The following LARP4B variants were observed in gnomAD, a reference collection of about 807,000 sequenced individuals.
LARP4B encodes la-related protein 4B.
In LARP4B, 12 loss-of-function variants were observed where a neutral mutation model predicts 89.8. The observed-to-expected ratio is 0.13, with a 90% confidence interval of 0.09 to 0.22. The LOEUF is 0.22. Ranked by LOEUF, LARP4B falls within the 10% of genes least tolerant of loss-of-function variation. The pLI, the probability that LARP4B is intolerant of heterozygous loss-of-function variation, is 1.00. For synonymous variants in LARP4B, 367 were observed against 363.3 expected (o/e 1.01, Z -0.12); for missense variants, 757 against 947.7 (o/e 0.80, Z 2.64).
the LARP4B span, among the ~76,000 whole-genome samples, chr10:940,659 C>T: frequency 3.3e-5 from 5 of 152,180 alleles, no homozygotes; most frequent in Admixed American, 6.5e-5. Flanking sequence ...AAAAATAGCA[C>T]GGGCATTTGT....
intron 3 of LARP4B, among the ~76,000 whole-genome samples, chr10:875,018 T>C (rs1835400786): frequency 6.6e-6 from 1 of 152,236 alleles, no homozygotes; most frequent in African/African-American, 2.4e-5. Context: ...CCAAGAACTT[T>C]AGTAGCAGCT....
rs1414881253 is a variant in LARP4B, at chr10:823,179, TCCTAAACCACTC to T, written c.1484+1874_1484+1885del. 2.6e-5 allele frequency among the ~76,000 whole-genome samples: 4 copies of T among 152,154 alleles called. No individual in the cohort carries two copies. In the East Asian group the frequency reaches 7.7e-4, roughly 29 times the overall value. ...GCATGCGCTTTCCCTGCCCACCACT[TCCTAAACCACTC>T]CCTAAACCACTGGTGCGTGCTTCCT... On this transcript the variant is annotated intron_variant, in intron 13 of 17. Transcript: ENST00000316157.
chr10:837,221 G>GT (rs947055697), intron 7 of LARP4B, among the ~76,000 whole-genome samples: 3 of 152,172 alleles, frequency 2.0e-5, no homozygotes, highest in African/African-American at 4.8e-5. Context: ...TACAAGAAAG[G>GT]TAACTGGTGC....
chr10:946,218 C>A, the LARP4B span, among the ~76,000 whole-genome samples: 42 of 152,350 alleles, frequency 2.8e-4, 1 homozygote, highest in Non-Finnish European at 5.4e-4. Context: ...TACCACATCA[C>A]AGAATACTGA....
chr10:914,240 T>C (rs367969303), intron 1 of LARP4B, among the ~76,000 whole-genome samples: 9 of 152,148 alleles, frequency 5.9e-5, no homozygotes, highest in East Asian at 5.8e-4. Flanking sequence ...GTAGTTAATA[T>C]ACGTAATTAA....
At chr10:820,512 G>A in intron 14 of LARP4B, 1 of 380,962 alleles carries the variant, frequency 2.6e-6, no homozygotes, top group Non-Finnish European at 4.7e-6. Context: ...ACACCCGTGT[G>A]TAGGCTGCAG....
intron 3 of LARP4B, among the ~76,000 whole-genome samples, chr10:877,289 G>A (rs1480526916): frequency 3.9e-5 from 6 of 152,180 alleles, no homozygotes; most frequent in Non-Finnish European, 8.8e-5. Flanking sequence ...GCTGAGGTAG[G>A]AGGATAACTT....
intron 5 of LARP4B, among the ~76,000 whole-genome samples, chr10:846,301 T>C (rs1407903915): frequency 6.6e-6 from 1 of 152,150 alleles, no homozygotes; most frequent in Admixed American, 6.5e-5. Context: ...GAGAGGCAGA[T>C]AACAGACAGT....
At chr10:878,462 C>A (rs1292395224) in intron 3 of LARP4B, among the ~76,000 whole-genome samples, 1 of 152,144 alleles carries the variant, frequency 6.6e-6, no homozygotes, top group Admixed American at 6.5e-5. Flanking sequence ...TACACAAGTT[C>A]CCTGATTTGA....
chr10:818,012 T>C (rs1832154041), intron 14 of LARP4B, 123 bp from the exon 15 acceptor site: 5 of 959,376 alleles, frequency 5.2e-6, no homozygotes, highest in Non-Finnish European at 3.1e-6. Flanking sequence ...AGACAAGGGC[T>C]TCCTCACTCA....
At chr10:884,246 C>T (rs545235488) in intron 3 of LARP4B, among the ~76,000 whole-genome samples, 15 of 152,286 alleles carry the variant, frequency 9.8e-5, no homozygotes, top group South Asian at 8.3e-4. Context: ...AAAACAGACA[C>T]GCACAGAAGC....
the LARP4B span, among the ~76,000 whole-genome samples, chr10:970,764 C>A: frequency 6.6e-6 from 1 of 151,880 alleles, no homozygotes; most frequent in Non-Finnish European, 1.5e-5. Flanking sequence ...CCGGACTGAG[C>A]ATAAAGAGAG....
Position 822,123 on chromosome 10 carries a change from G to A in LARP4B, c.1485-1278C>T, listed in dbSNP as rs1317536547. Among the ~76,000 whole-genome samples the A allele has an allele frequency of 2.0e-5, 3 of 152,218 alleles. No individual in the cohort carries two copies. The highest frequency in any genetic ancestry group is 2.9e-5 in the Non-Finnish European group (2 of 68,030). On this transcript the variant is annotated intron_variant, in intron 13 of 17. Transcript: ENST00000316157. This position sits in a 1 kb window ranked among gnomAD's most constrained non-coding sequence, Gnocchi z 4.6. ...ACCCAGGGAGCTGAACTCCTACTCC[G>A]CTGCGCCAGGATTCAGAAGTAGTGG...
At chr10:937,880 A>T in the LARP4B span, among the ~76,000 whole-genome samples, 1 of 151,722 alleles carries the variant, frequency 6.6e-6, no homozygotes, top group Non-Finnish European at 1.5e-5. Context: ...TATTTTATTT[A>T]TTTTTATTTA....
the LARP4B span, among the ~76,000 whole-genome samples, chr10:957,517 G>C: frequency 6.6e-6 from 1 of 152,084 alleles, no homozygotes; most frequent in Non-Finnish European, 1.5e-5. Flanking sequence ...AATGTTTTTA[G>C]ATACTTATAT....
chr10:979,531 C>A, the LARP4B span, among the ~76,000 whole-genome samples: 1 of 152,192 alleles, frequency 6.6e-6, no homozygotes, highest in Admixed American at 6.5e-5. Context: ...CCACCTAGGG[C>A]CCTTCTACAT....
intron 1 of LARP4B, among the ~76,000 whole-genome samples, chr10:900,418 G>A (rs928201140): frequency 4.9e-5 from 2 of 40,484 alleles, no homozygotes; most frequent in Admixed American, 3.4e-4. Context: ...AAAGAAGGAT[G>A]TCTTTTTTTT....
At chr10:813,239 C>A in intron 17 of LARP4B, 26 bp from the exon 18 acceptor site, 1 of 1,580,918 alleles carries the variant, frequency 6.3e-7, no homozygotes, top group African/African-American at 1.4e-5. Context: ...CCTGGGTTAC[C>A]TGTGTGAAAT....
the LARP4B span, among the ~76,000 whole-genome samples, chr10:949,392 T>G: frequency 6.7e-6 from 1 of 148,974 alleles, no homozygotes; most frequent in African/African-American, 2.5e-5. Context: ...TGTGAGTGAG[T>G]GATCTCCAAG....
Sources: allele counts gnomAD v4.1 joint callset (sites outside exome capture counted in the v4.1 genomes callset), GRCh38; gene constraint gnomAD v4.1.1; non-coding constraint Gnocchi (gnomAD v3.1); transcripts MANE v1.5; gene names NCBI Gene and HGNC (gene_info 2026-07-23, HGNC 2026-07-21).